TMEM230: variants seen among roughly 807,000 people sequenced by gnomAD.
The protein encoded by TMEM230 is UPF0414 transmembrane protein C20orf30.
In TMEM230, 10 loss-of-function variants were observed where a neutral mutation model predicts 15.8. The observed-to-expected ratio is 0.63, with a 90% CI of 0.39 to 1.07. The LOEUF (loss-of-function observed/expected upper bound fraction) is 1.07. Ranked by LOEUF, TMEM230 falls within the 50% of genes least tolerant of loss-of-function variation. The probability of loss-of-function intolerance (pLI) is 0.01; values close to 1 mark genes in which losing one functional copy is unlikely to be tolerated. For synonymous variants in TMEM230, 67 were observed against 76.9 expected, an observed-to-expected ratio of 0.87 and a Z score of 0.68; for missense variants, 165 against 193.3, an observed-to-expected ratio of 0.85 and a Z score of 0.87.
chr20:5,106,783 G>A (rs766626024), intron 3 of TMEM230, among the ~76,000 whole-genome samples: 5 of 152,118 alleles, frequency 3.3e-5, no homozygotes, highest in Non-Finnish European at 5.9e-5. Flanking sequence ...ACAGCTCATT[G>A]CAGCCTCGAA....
chr20:5,111,732 T>G lies in TMEM230; in HGVS notation c.69-127A>C, dbSNP rs1002358746. 3 of 962,118 alleles carry G rather than the reference T, an allele frequency of 3.1e-6. No homozygotes were observed. The African/African-American group carries it at 5.3e-5, about 17-fold the overall frequency. The allele number at this position is 962,118 out of a possible 1,614,324, so 59.6% of individuals were successfully genotyped here. The stretch of plus-strand genomic sequence containing the variant: ...ATGGCATTTTTAAAATTCATCATTA[T>G]CATCATCACAATAATGGTGGTTAGT... On this transcript the variant is annotated intron_variant, in intron 1 of 4. Coordinates refer to ENST00000342308, the MANE Select transcript of TMEM230 (RefSeq NM_001009923.2).
At chr20:5,081,012 C>T (rs2089160322) in intron 3 of TMEM230, among the ~76,000 whole-genome samples, 1 of 152,208 alleles carries the variant, frequency 6.6e-6, no homozygotes, top group Non-Finnish European at 1.5e-5. Context: ...ATGATGTTGT[C>T]ACAATATCCA....
chr20:5,110,300 TC>T (rs1242576290), intron 2 of TMEM230, among the ~76,000 whole-genome samples: 1 of 151,982 alleles, frequency 6.6e-6, no homozygotes, highest in African/African-American at 2.4e-5. Flanking sequence ...TTTTTTTTTT[TC>T]TTTGCGATAG....
intron 3 of TMEM230, among the ~76,000 whole-genome samples, chr20:5,089,017 T>A (rs2089435544): frequency 6.6e-6 from 1 of 152,168 alleles, no homozygotes; most frequent in Admixed American, 6.5e-5. Context: ...AATGTTATGG[T>A]CACGAAATAA....
At chr20:5,088,431 T>C (rs758263714) in intron 3 of TMEM230, among the ~76,000 whole-genome samples, 1 of 152,014 alleles carries the variant, frequency 6.6e-6, no homozygotes, top group Non-Finnish European at 1.5e-5. Context: ...TGTGTTCGTG[T>C]CTCCTAACTC....
At chr20:5,111,114 G>A (rs935906262) in intron 2 of TMEM230, 1 of 151,556 alleles carries the variant, frequency 6.6e-6, no homozygotes, top group African/African-American at 2.4e-5. Flanking sequence ...CCTGGGAGAC[G>A]GAGGTTACAG....
At chr20:5,069,457 A>T in intron 3 of TMEM230, 1 of 1,176,554 alleles carries the variant, frequency 8.5e-7, no homozygotes, top group Non-Finnish European at 1.2e-6. Context: ...GGTGCTCCAC[A>T]ACACTTCCTG....
At chr20:5,061,507 C>T in the TMEM230 span, among the ~76,000 whole-genome samples, 1 of 152,142 alleles carries the variant, frequency 6.6e-6, no homozygotes, top group Non-Finnish European at 1.5e-5. Context: ...CCTAGGCTGC[C>T]CTTATCAATC....
At chr20:5,063,481 G>C (rs1211454108), downstream of TMEM230, among the ~76,000 whole-genome samples, 1 of 151,842 alleles carries the variant, frequency 6.6e-6, no homozygotes, top group Non-Finnish European at 1.5e-5. Context: ...TGGAGATGGG[G>C]TTTCACCATA....
chr20:5,079,016 T>G (rs142886637), intron 3 of TMEM230, among the ~76,000 whole-genome samples: 1 of 152,356 alleles, frequency 6.6e-6, no homozygotes, highest in East Asian at 1.9e-4. Context: ...TCTCTGGTGA[T>G]TTTAATTGCC....
At chr20:5,110,180 C>T (rs545994747) in intron 2 of TMEM230, among the ~76,000 whole-genome samples, 1 of 130,134 alleles carries the variant, frequency 7.7e-6, no homozygotes, top group Non-Finnish European at 1.8e-5. Context: ...CCTCAGCCTC[C>T]CGAGTAGTTG....
intron 3 of TMEM230, among the ~76,000 whole-genome samples, chr20:5,088,793 C>T (rs905985291): frequency 1.3e-5 from 2 of 152,158 alleles, no homozygotes; most frequent in Non-Finnish European, 1.5e-5. Flanking sequence ...ATATTACAGG[C>T]GTGAGCCACC....
At position 5,082,366 on chromosome 20, in the gene TMEM230, A is replaced by G. The variant is rs559641691; in HGVS notation, c.223-13017T>C. On this transcript the variant is annotated intron_variant, in intron 3 of 3. Coordinates refer to the TMEM230 transcript ENST00000612323. ...GGTGATCCTCCTGCCTCAGCCTCCC[A>G]AGTAGCTGGAACTGCAGGTGCATGC... Among the ~76,000 whole-genome samples the G allele has an allele frequency of 5.3e-4, 80 of 151,018 alleles. 1 individual carries two copies. Among genetic ancestry groups the G allele is most frequent in the Middle Eastern group, 3.4e-3 (1 of 290 alleles).
At chr20:5,065,722 C>T (rs111975493), downstream of TMEM230, among the ~76,000 whole-genome samples, 8 of 152,240 alleles carry the variant, frequency 5.3e-5, no homozygotes, top group South Asian at 1.2e-3. Context: ...GAGCAGGACC[C>T]GGGTTCTGTG....
chr20:5,084,804 G>T (rs888912436), intron 3 of TMEM230, among the ~76,000 whole-genome samples: 6 of 152,224 alleles, frequency 3.9e-5, no homozygotes, highest in African/African-American at 1.4e-4. Context: ...AAAGTGTTGG[G>T]ATTACAGGCG....
At chr20:5,109,576 T>C (rs926211238) in intron 2 of TMEM230, 131 bp from the exon 2 acceptor site, 13 of 688,902 alleles carry the variant, frequency 1.9e-5, no homozygotes, top group Non-Finnish European at 3.3e-5. Flanking sequence ...CAATGGGCAA[T>C]TTACACTTCA....
chr20:5,072,848 CAAAAAAAAAAA>C (rs3056051), intron 3 of TMEM230, among the ~76,000 whole-genome samples: 1 of 51,450 alleles, frequency 1.9e-5, no homozygotes, highest in African/African-American at 8.5e-5. Context: ...GACTCCACCT[CAAAAAAAAAAA>C]AAAAAAAAAA....
intron 3 of TMEM230, among the ~76,000 whole-genome samples, chr20:5,089,723 A>AAACAAAAACAAT (rs2089454199): frequency 2.0e-5 from 3 of 151,866 alleles, no homozygotes; most frequent in Non-Finnish European, 2.9e-5. Context: ...ACAAAAACAA[A>AAACAAAAACAAT]AAACAGTAGT....
chr20:5,075,039 G>A (rs1015342544), intron 3 of TMEM230, among the ~76,000 whole-genome samples: 1 of 150,550 alleles, frequency 6.6e-6, no homozygotes, highest in Non-Finnish European at 1.5e-5. Flanking sequence ...TTATCTAAGT[G>A]CATCAACCTG....
Sources: allele counts gnomAD v4.1 joint callset (sites outside exome capture counted in the v4.1 genomes callset), GRCh38; gene constraint gnomAD v4.1.1; transcripts MANE v1.5; gene names NCBI Gene and HGNC (gene_info 2026-07-23, HGNC 2026-07-21).